MAGT1: variants seen among roughly 807,000 people sequenced by gnomAD.
MAGT1 encodes dolichyl-diphosphooligosaccharide--protein glycosyltransferase subunit MAGT1.
A neutral mutation model predicts 28.4 loss-of-function variants in MAGT1; 4 were observed. The observed-to-expected ratio is 0.14, with a 90% CI of 0.07 to 0.32. The LOEUF (loss-of-function observed/expected upper bound fraction) is 0.32. MAGT1 is among the 10% of genes least tolerant of loss of function. The pLI is 1.00. For synonymous variants in MAGT1, 89 were observed against 89.7 expected, an observed-to-expected ratio of 0.99 and a Z score of 0.04; for missense variants, 193 against 264.5, an observed-to-expected ratio of 0.73 and a Z score of 1.88.
At chrX:77,842,831 AAAAAAG>A (rs1472931734) in intron 7 of MAGT1, among the ~76,000 whole-genome samples, 3 of 111,799 alleles carry the variant, frequency 2.7e-5, no homozygotes, top group Non-Finnish European at 5.6e-5. Context: ...CATCTCAAAA[AAAAAAG>A]AAAAAGAAAA....
intron 7 of MAGT1, among the ~76,000 whole-genome samples, chrX:77,850,463 G>A (rs1225712296): frequency 7.3e-5 from 5 of 68,598 alleles, no homozygotes; most frequent in Non-Finnish European, 1.0e-4. Context: ...GTGACAGAGC[G>A]AGACTCCACT....
chrX:77,875,190 G>T (rs2077030160), intron 2 of MAGT1, among the ~76,000 whole-genome samples: 1 of 110,677 alleles, frequency 9.0e-6, no homozygotes, highest in Non-Finnish European at 1.9e-5. Context: ...TAAGATGACT[G>T]TTTGATCTTT....
intron 1 of MAGT1, among the ~76,000 whole-genome samples, chrX:77,881,257 G>GT (rs782312434): frequency 2.0e-4 from 22 of 110,535 alleles, no homozygotes; most frequent in South Asian, 3.8e-4. Context: ...GCCATATTTT[G>GT]TTTTTTTTAT....
At position 77,848,991 on chromosome X, in the gene MAGT1, G is replaced by A. The variant is rs182797093; in HGVS notation, c.826+4910C>T. Among the ~76,000 whole-genome samples the A allele has an allele frequency of 2.2e-3, 241 of 109,957 alleles. 1 individual carries two copies. The highest frequency in any genetic ancestry group is 7.3e-3 in the African/African-American group (221 of 30,327). On this transcript the variant is annotated intron_variant, in intron 7 of 9. Transcript: ENST00000618282. ...GTGACCCCACTGTACTCAAGCCTGGGCAACACAAGATTTCATCTCTAAAAA... is the reference window on the plus strand; with the variant it reads ...GTGACCCCACTGTACTCAAGCCTGGACAACACAAGATTTCATCTCTAAAAA...
chrX:77,873,338 A>G (rs1027463265), intron 2 of MAGT1, among the ~76,000 whole-genome samples: 2 of 112,107 alleles, frequency 1.8e-5, no homozygotes, highest in African/African-American at 6.5e-5. Flanking sequence ...ATTCCTTTGC[A>G]TGGCTATCAG....
chrX:77,855,080 G>A (rs868996300), intron 6 of MAGT1, among the ~76,000 whole-genome samples: 50 of 111,560 alleles, frequency 4.5e-4, no homozygotes, highest in African/African-American at 1.5e-3. Context: ...TTGGGAGGCT[G>A]AGGCAGGCGC....
intron 8 of MAGT1, among the ~76,000 whole-genome samples, chrX:77,836,180 A>T (rs1188943499): frequency 1.8e-5 from 2 of 111,303 alleles, no homozygotes; most frequent in Admixed American, 1.9e-4. Flanking sequence ...GGATCAAAAA[A>T]TGAAAACAAT....
intron 8 of MAGT1, among the ~76,000 whole-genome samples, chrX:77,834,655 T>C (rs1227040484): frequency 2.7e-5 from 3 of 110,328 alleles, no homozygotes; most frequent in Non-Finnish European, 3.8e-5. Flanking sequence ...ACTATTAATA[T>C]GAAACAACTA....
At chrX:77,845,005 C>A (rs1436429621) in intron 7 of MAGT1, among the ~76,000 whole-genome samples, 1 of 110,615 alleles carries the variant, frequency 9.0e-6, no homozygotes, top group Non-Finnish European at 1.9e-5. Context: ...TCCTTGTTAA[C>A]CTTCTGTCTC....
intron 1 of MAGT1, among the ~76,000 whole-genome samples, chrX:77,880,434 C>T (rs2077048529): frequency 9.2e-6 from 1 of 109,193 alleles, no homozygotes; most frequent in Admixed American, 9.9e-5. Flanking sequence ...GAGGCTGAGG[C>T]AGGAGAATTG....
intron 1 of MAGT1, among the ~76,000 whole-genome samples, chrX:77,882,547 T>C (rs1557218579): frequency 1.8e-5 from 2 of 111,861 alleles, no homozygotes; most frequent in Non-Finnish European, 1.9e-5. Context: ...TCCTCCTATC[T>C]CTATTCAACC....
At position 77,866,456 on chromosome X, in the gene MAGT1, C is replaced by A. The variant is rs781866456; in HGVS notation, c.390+4352G>T. On this transcript the variant is annotated intron_variant, in intron 3 of 9. Coordinates refer to ENST00000618282, the MANE Select transcript of MAGT1 (RefSeq NM_001367916.1). Reference sequence around the variant, plus strand: ...ATGAGTTTCTCATGTTTCTGCACATCTTGTGGACAAGGGCCCTAACTGCCT... The same window carrying A: ...ATGAGTTTCTCATGTTTCTGCACATATTGTGGACAAGGGCCCTAACTGCCT... 3.0e-5 allele frequency among the ~76,000 whole-genome samples: 2 copies of A among 66,870 alleles called. 1 individual carries two copies. Among genetic ancestry groups the A allele is most frequent in the South Asian group, 1.3e-3 (2 of 1,526 alleles). The allele number at this position is 66,870 out of a possible 115,157, so 58.1% of individuals were successfully genotyped here. A position where few individuals can be genotyped will look rare whatever the true frequency, so the allele number is the denominator to read the frequency against.
rs1366622318 is a variant in MAGT1, at chrX:77,826,333, T to C, written c.*2887A>G. 1 of 112,529 alleles carries C rather than the reference T, an allele frequency of 8.9e-6. No homozygotes were observed. The highest frequency in any genetic ancestry group is 1.9e-5 in the Non-Finnish European group (1 of 53,256). The allele number at this position is 112,529 out of a possible 1,213,427, so 9.3% of individuals were successfully genotyped here. A position where few individuals can be genotyped will look rare whatever the true frequency, so the allele number is the denominator to read the frequency against. ...TTCTAGTTTAGTGTTTAAAACTCAC[T>C]CCTCTTTAGATGGTAATCAAAAACT... is the stretch of plus-strand genomic sequence containing the variant. On this transcript the variant is annotated 3_prime_UTR_variant, in exon 10 of 10. Coordinates refer to ENST00000618282, the MANE Select transcript of MAGT1 (RefSeq NM_001367916.1).
At chrX:77,837,875 TG>T (rs1161568307) in intron 8 of MAGT1, among the ~76,000 whole-genome samples, 1 of 110,893 alleles carries the variant, frequency 9.0e-6, no homozygotes. Flanking sequence ...CCCAAGTAGC[TG>T]GGATTACAGG....
intron 7 of MAGT1, among the ~76,000 whole-genome samples, chrX:77,844,477 G>A (rs2076944544): frequency 1.8e-5 from 2 of 110,765 alleles, no homozygotes; most frequent in South Asian, 7.6e-4. Flanking sequence ...GTTATTTCTT[G>A]CCTTCTGCTA....
intron 1 of MAGT1, among the ~76,000 whole-genome samples, chrX:77,884,850 C>T (rs189235657): frequency 4.6e-5 from 5 of 108,110 alleles, no homozygotes; most frequent in Admixed American, 1.0e-4. Context: ...TCTAGGAGGC[C>T]GAGGCGGGTG....
chrX:77,864,239 G>C (rs1160540306), intron 3 of MAGT1, among the ~76,000 whole-genome samples: 2 of 90,412 alleles, frequency 2.2e-5, no homozygotes, highest in Admixed American at 1.2e-4. Flanking sequence ...AGGCTGGGAA[G>C]AGTGTATGTG....
rs1414567556 is a variant in MAGT1 at position 77,836,041 on chromosome X, T to C, written c.902-5146A>G. Among the ~76,000 whole-genome samples the C allele has an allele frequency of 2.7e-5, 3 of 111,272 alleles. No individual in the cohort carries two copies. The East Asian group carries it at 8.4e-4, about 31-fold the overall frequency. Reference sequence around the variant, plus strand: ...TAGTCTAGAACTTTCTGACCTCAAATAATCTGCCCCACTTGGTCTCCCAAA... The same window carrying C: ...TAGTCTAGAACTTTCTGACCTCAAACAATCTGCCCCACTTGGTCTCCCAAA... On this transcript the variant is annotated intron_variant, in intron 8 of 9. Coordinates refer to ENST00000618282, the MANE Select transcript of MAGT1 (RefSeq NM_001367916.1).
chrX:77,895,004 A>C (rs931677884), intron 1 of MAGT1, among the ~76,000 whole-genome samples: 1 of 111,040 alleles, frequency 9.0e-6, no homozygotes, highest in African/African-American at 3.3e-5. Flanking sequence ...TCTAAAGTCG[A>C]ACTCCCCACC....
Sources: allele counts gnomAD v4.1 joint callset (sites outside exome capture counted in the v4.1 genomes callset), GRCh38; gene constraint gnomAD v4.1.1; transcripts MANE v1.5; gene names NCBI Gene and HGNC (gene_info 2026-07-23, HGNC 2026-07-21).